The following SLC71A2 variants were observed in gnomAD, a reference collection of about 807,000 sequenced individuals.
SLC71A2 encodes solute carrier family 71 member 2.
At chr9:94,432,480 A>G in the SLC71A2 span, among the ~76,000 whole-genome samples, 5,483 of 152,268 alleles carry the variant, frequency 0.036, 126 homozygotes, top group Middle Eastern at 0.095. Flanking sequence ...AGCCTGGGCA[A>G]CAAGAACGAA....
the SLC71A2 span, among the ~76,000 whole-genome samples, chr9:94,418,965 G>A: frequency 3.9e-5 from 6 of 152,000 alleles, no homozygotes; most frequent in Admixed American, 2.0e-4. Context: ...TGAAGTTTTC[G>A]TCTGCAATAT....
At chr9:94,379,877 C>T in the SLC71A2 span, among the ~76,000 whole-genome samples, 4 of 152,278 alleles carry the variant, frequency 2.6e-5, no homozygotes, top group East Asian at 1.9e-4. Flanking sequence ...ACCTCCTCTA[C>T]GTAACAGGAA....
the SLC71A2 span, among the ~76,000 whole-genome samples, chr9:94,432,015 A>G: frequency 1.3e-5 from 2 of 151,866 alleles, no homozygotes; most frequent in Non-Finnish European, 1.5e-5. Context: ...TAGATTCTAC[A>G]TCTGCTATTT....
the SLC71A2 span, among the ~76,000 whole-genome samples, chr9:94,446,281 T>C: frequency 3.1e-4 from 47 of 152,360 alleles, no homozygotes; most frequent in African/African-American, 1.1e-3. Flanking sequence ...ATCCAATGTA[T>C]GTAAGAAGGA....
the SLC71A2 span, among the ~76,000 whole-genome samples, chr9:94,428,098 G>A: frequency 2.6e-5 from 4 of 151,908 alleles, no homozygotes; most frequent in Non-Finnish European, 5.9e-5. Context: ...ACTCCAGCCT[G>A]GCGAAGAGTG....
At chr9:94,459,429 G>C in the SLC71A2 span, 1 of 1,612,514 alleles carries the variant, frequency 6.2e-7, no homozygotes, top group Non-Finnish European at 8.5e-7. Context: ...CAGAAAGTGG[G>C]ATTCTGCATA....
the SLC71A2 span, among the ~76,000 whole-genome samples, chr9:94,413,068 G>A: frequency 1.3e-5 from 2 of 151,794 alleles, no homozygotes; most frequent in Admixed American, 1.3e-4. Flanking sequence ...TTCAAATTGA[G>A]GGACACTCTA....
chr9:94,377,733 A>T, the SLC71A2 span, among the ~76,000 whole-genome samples: 1 of 151,714 alleles, frequency 6.6e-6, no homozygotes, highest in Non-Finnish European at 1.5e-5. Context: ...CCAGAAAAAG[A>T]TACTGGCAGA....
At chr9:94,446,723 T>C in the SLC71A2 span, 2 of 549,850 alleles carry the variant, frequency 3.6e-6, no homozygotes, top group Admixed American at 3.3e-5. Flanking sequence ...ACTTTTGTTA[T>C]TCATCTTAAT....
chr9:94,405,575 C>G, the SLC71A2 span, among the ~76,000 whole-genome samples: 13 of 151,320 alleles, frequency 8.6e-5, no homozygotes, highest in East Asian at 1.7e-3. Context: ...TCAAGTGATT[C>G]TCCTGTCTAA....
At chr9:94,423,398 C>T in the SLC71A2 span, among the ~76,000 whole-genome samples, 2 of 152,024 alleles carry the variant, frequency 1.3e-5, no homozygotes, top group African/African-American at 2.4e-5. Flanking sequence ...ATAGTGACGT[C>T]GTGACCCTCG....
chr9:94,460,755 T>A, the SLC71A2 span: 1 of 152,468 alleles, frequency 6.6e-6, no homozygotes, highest in Non-Finnish European at 1.5e-5. Flanking sequence ...CAGAAAAAAA[T>A]ATATACAACT....
At chr9:94,436,810 T>C in the SLC71A2 span, among the ~76,000 whole-genome samples, 11 of 152,352 alleles carry the variant, frequency 7.2e-5, no homozygotes, top group East Asian at 2.1e-3. Flanking sequence ...CTTCTGTAAG[T>C]TGATTTTCTC....
chr9:94,438,003 A>G, the SLC71A2 span, among the ~76,000 whole-genome samples: 3 of 151,974 alleles, frequency 2.0e-5, no homozygotes, highest in Non-Finnish European at 2.9e-5. Flanking sequence ...ATCTTGGTTC[A>G]CTGCAGCCTC....
At chr9:94,459,759 T>G in the SLC71A2 span, 1 of 219,044 alleles carries the variant, frequency 4.6e-6, no homozygotes, top group Non-Finnish European at 9.2e-6. Flanking sequence ...GCAGCAATCT[T>G]TCCATGCCCT....
the SLC71A2 span, among the ~76,000 whole-genome samples, chr9:94,411,719 T>A: frequency 1.2e-3 from 183 of 152,166 alleles, 1 homozygote; most frequent in Non-Finnish European, 2.1e-3. Context: ...GCCTCCCTAG[T>A]AGCTGGGATT....
chr9:94,446,885 A>T, the SLC71A2 span: 1 of 1,612,940 alleles, frequency 6.2e-7, no homozygotes, highest in Non-Finnish European at 8.5e-7. Flanking sequence ...TGTTTCTTTC[A>T]TACCTTCCTG....
chr9:94,432,398 G>A, the SLC71A2 span, among the ~76,000 whole-genome samples: 1 of 151,812 alleles, frequency 6.6e-6, no homozygotes, highest in South Asian at 2.1e-4. Flanking sequence ...TACTTGGGAG[G>A]CTGAGGCAGG....
At chr9:94,396,152 ATATGAG>A in the SLC71A2 span, among the ~76,000 whole-genome samples, 8 of 151,308 alleles carry the variant, frequency 5.3e-5, no homozygotes, top group African/African-American at 2.0e-4. Context: ...ATAATAAATT[ATATGAG>A]TATATTTGTG....
Sources: gnomAD v4.1 joint callset for allele counts (sites outside exome capture counted in the v4.1 genomes callset) on GRCh38, gnomAD v4.1.1 for gene constraint, MANE v1.5 for transcripts, NCBI Gene and HGNC (gene_info 2026-07-23, HGNC 2026-07-21) for gene names.